Variants in THOC2 observed in about 807,000 individuals in gnomAD.
THOC2 encodes THO complex subunit 2, also known as THO complex 2.
In THOC2, 10 loss-of-function variants were observed where a neutral mutation model predicts 128.4. That is an observed-to-expected ratio of 0.08 (90% CI 0.05 to 0.13). The LOEUF (loss-of-function observed/expected upper bound fraction) is 0.13, where lower values mean the gene tolerates loss of function less well. Ranked by LOEUF, THOC2 falls within the 10% of genes least tolerant of loss-of-function variation. The pLI, the probability that THOC2 is intolerant of heterozygous loss-of-function variation, is 1.00. For synonymous variants in THOC2, 393 were observed against 396.9 expected (o/e 0.99, Z 0.12); for missense variants, 535 against 1,155.7 (o/e 0.46, Z 7.79).
At chrX:123,689,836 TGTA>T (rs1214005781) in intron 7 of THOC2, among the ~76,000 whole-genome samples, 1 of 111,884 alleles carries the variant, frequency 8.9e-6, no homozygotes. Flanking sequence ...TAATGGCAGC[TGTA>T]GTAGAACATA....
At chrX:123,706,313 T>C (rs2050923224) in intron 3 of THOC2, among the ~76,000 whole-genome samples, 1 of 111,493 alleles carries the variant, frequency 9.0e-6, no homozygotes, top group Non-Finnish European at 1.9e-5. Flanking sequence ...GAGAGAAAAA[T>C]ATTTTAGCCA....
intron 36 of THOC2, 113 bp downstream of exon 36, chrX:123,613,286 C>T (rs2046771425): frequency 1.3e-6 from 1 of 795,857 alleles, no homozygotes; most frequent in Non-Finnish European, 1.8e-6. Flanking sequence ...CTTCCCACTC[C>T]TAAATAATGA....
chrX:123,634,127 C>T, intron 19 of THOC2, 57 bp from the exon 20 acceptor site: 1 of 672,696 alleles, frequency 1.5e-6, no homozygotes, highest in East Asian at 3.4e-5. Context: ...ATAAAAGTAA[C>T]AATGTATTGT....
intron 12 of THOC2, among the ~76,000 whole-genome samples, chrX:123,661,127 G>A (rs186006096): frequency 2.8e-4 from 31 of 112,662 alleles, no homozygotes; most frequent in East Asian, 1.1e-3. Flanking sequence ...CCTCATGGCC[G>A]GGCACAGTGG....
rs549122664 is a variant in THOC2, at chrX:123,626,633, C to T, written c.2787G>A (p.Glu929=). 1.7e-6 allele frequency: 2 copies of T among 1,193,149 alleles called. No individual in the cohort carries two copies. The highest frequency in any genetic ancestry group is 4.9e-5 in the Admixed American group (2 of 40,940). The stretch of plus-strand genomic sequence containing the variant: ...GCTTGTCCTGAAGGGCAGTACAGCG[C>T]TCCTTCTCTTTTTTCTTTTTATTTG... The part of the protein sequence containing the change: ...MPPNKKKKEK[E]RCTALQDKLL... Residue 929 remains glutamate (E), a synonymous_variant, in exon 24 of 39, where the codon GAG becomes GAA. Transcript: ENST00000245838.
intron 38 of THOC2, among the ~76,000 whole-genome samples, chrX:123,609,166 C>A (rs981800829): frequency 8.1e-5 from 9 of 111,501 alleles, no homozygotes; most frequent in African/African-American, 2.9e-4. Context: ...AATAGGGAGA[C>A]CACATGTGAC....
At chrX:123,730,189 T>A (rs1218034892) in intron 1 of THOC2, among the ~76,000 whole-genome samples, 35 of 110,761 alleles carry the variant, frequency 3.2e-4, no homozygotes, top group African/African-American at 9.8e-4. Context: ...TTTGTTTTTT[T>A]TTTTTTTTTA....
intron 12 of THOC2, among the ~76,000 whole-genome samples, chrX:123,652,724 G>A (rs1329355113): frequency 9.0e-6 from 1 of 111,523 alleles, no homozygotes; most frequent in Non-Finnish European, 1.9e-5. Flanking sequence ...TAAGGGATGT[G>A]AAGGACCTCC....
chrX:123,697,359 A>G (rs1192081230), intron 5 of THOC2, among the ~76,000 whole-genome samples: 1 of 112,440 alleles, frequency 8.9e-6, no homozygotes, highest in Non-Finnish European at 1.9e-5. Context: ...GTTTATGAGG[A>G]AAAAAATCCA....
In THOC2 at chrX:123,638,157, A is replaced by G. The variant is rs780643627; in HGVS notation, c.1841-34T>C. 6.2e-6 allele frequency: 6 copies of G among 969,202 alleles called. No individual in the cohort carries two copies. The Admixed American group carries it at 1.5e-4, about 24-fold the overall frequency. The allele number at this position is 969,202 out of a possible 1,213,427, so 79.9% of individuals were successfully genotyped here. A position where few individuals can be genotyped will look rare whatever the true frequency, so the allele number is the denominator to read the frequency against. ...CATTAAGAAAAAACTAAGTCATTAC[A>G]TCTCTAATAAAGACCCTTAAAACAT... On this transcript the variant is annotated intron_variant, in intron 17 of 38. Transcript: ENST00000245838.
intron 1 of THOC2, among the ~76,000 whole-genome samples, chrX:123,715,187 T>C (rs2147961565): frequency 9.3e-6 from 1 of 108,018 alleles, no homozygotes; most frequent in Non-Finnish European, 1.9e-5. Context: ...CACAGGTGCA[T>C]GCCACCATGC....
chrX:123,644,280 G>A (rs2048039546), intron 15 of THOC2, among the ~76,000 whole-genome samples: 1 of 111,689 alleles, frequency 9.0e-6, no homozygotes, highest in African/African-American at 3.3e-5. Context: ...ACAGCAGGCT[G>A]TCCTTAAAAA....
At chrX:123,677,635 G>A (rs1039159207) in intron 8 of THOC2, among the ~76,000 whole-genome samples, 11 of 110,932 alleles carry the variant, frequency 9.9e-5, no homozygotes, top group African/African-American at 2.6e-4. Flanking sequence ...TTGGGAGGCC[G>A]AGGCAGGCGG....
chrX:123,620,827 A>C, intron 32 of THOC2, 80 bp downstream of exon 32: 1 of 972,319 alleles, frequency 1.0e-6, no homozygotes, highest in Non-Finnish European at 1.4e-6. Context: ...GCTTGGCATA[A>C]GACTTGAAGG....
chrX:123,675,062 G>A (rs939388078), intron 8 of THOC2, among the ~76,000 whole-genome samples: 1 of 111,990 alleles, frequency 8.9e-6, no homozygotes, highest in African/African-American at 3.2e-5. Context: ...AGGAAAAAAA[G>A]AGGACTTACA....
chrX:123,641,333 G>A (rs1442441538), intron 15 of THOC2, among the ~76,000 whole-genome samples: 1 of 111,838 alleles, frequency 8.9e-6, no homozygotes, highest in Non-Finnish European at 1.9e-5. Context: ...TGACAGGAAG[G>A]AAGCTTTCTA....
chrX:123,619,562 G>T, intron 32 of THOC2, 126 bp from the exon 33 acceptor site: 1 of 703,790 alleles, frequency 1.4e-6, no homozygotes, highest in Non-Finnish European at 2.1e-6. Flanking sequence ...ATTTCATGAT[G>T]TCATTATCAA....
At chrX:123,666,876 T>C (rs1027113086) in intron 11 of THOC2, among the ~76,000 whole-genome samples, 2 of 112,070 alleles carry the variant, frequency 1.8e-5, no homozygotes, top group Non-Finnish European at 3.8e-5. Context: ...GTCTAACTTG[T>C]AGTTTTCAGA....
intron 22 of THOC2, among the ~76,000 whole-genome samples, chrX:123,631,154 T>G (rs1415165945): frequency 2.7e-5 from 3 of 111,618 alleles, no homozygotes; most frequent in Non-Finnish European, 3.8e-5. Context: ...AGGTCAGAAT[T>G]CCTAAGATGA....
Sources: gnomAD v4.1 joint callset for allele counts (sites outside exome capture counted in the v4.1 genomes callset) on GRCh38, gnomAD v4.1.1 for gene constraint, MANE v1.5 for transcripts, NCBI Gene and HGNC (gene_info 2026-07-23, HGNC 2026-07-21) for gene names.